TCP1: variants seen among roughly 807,000 people sequenced by gnomAD.
TCP1 encodes the protein T-complex protein 1 subunit alpha.
In TCP1, 6 loss-of-function variants were observed where a neutral mutation model predicts 54.7. The ratio of observed to expected loss-of-function variants is 0.11; its 90% confidence interval spans 0.06 to 0.22. The LOEUF is 0.22. Ranked by LOEUF, TCP1 falls within the 10% of genes least tolerant of loss-of-function variation. TCP1 has a pLI of 1.00. For missense variants in TCP1, 511 were observed against 678.2 expected, an observed-to-expected ratio of 0.75 and a Z score of 2.74; for synonymous variants, 225 against 229.7, an observed-to-expected ratio of 0.98 and a Z score of 0.19.
At chr6:159,786,246 AGTT>A (rs1282136671) in intron 3 of TCP1, among the ~76,000 whole-genome samples, 1 of 152,228 alleles carries the variant, frequency 6.6e-6, no homozygotes, top group Non-Finnish European at 1.5e-5. Context: ...TCTCAAATAC[AGTT>A]GTTTATTGTA....
intron 11 of TCP1, 170 bp downstream of exon 11, chr6:159,779,457 C>A: frequency 9.9e-7 from 1 of 1,013,132 alleles, no homozygotes; most frequent in Non-Finnish European, 1.4e-6. Flanking sequence ...AATAATTAGT[C>A]ATTATCCCTT....
chr6:159,787,901 C>T (rs1421687146), intron 2 of TCP1, 30 bp from the exon 3 acceptor site: 2 of 1,612,346 alleles, frequency 1.2e-6, no homozygotes, highest in Non-Finnish European at 1.7e-6. Flanking sequence ...AAATATGAAC[C>T]ACTTATAGAA....
At chr6:159,780,319 T>C in intron 9 of TCP1, 124 bp downstream of exon 9, 1 of 1,458,482 alleles carries the variant, frequency 6.9e-7, no homozygotes, top group Non-Finnish European at 9.6e-7. Context: ...CCAATGTTAT[T>C]TTATCCCATG....
At chr6:159,785,556 T>G (rs1008403856) in intron 4 of TCP1, 60 bp from the exon 5 acceptor site, 1 of 1,301,092 alleles carries the variant, frequency 7.7e-7, no homozygotes. Context: ...CTCTTTGCAT[T>G]CATCATGCTT....
Position 159,785,997 on chromosome 6 carries a change from C to T in TCP1, c.280G>A (p.Val94Ile). 6.2e-7 allele frequency: 1 copy of T among 1,612,606 alleles called. No homozygotes were observed. The highest frequency in any genetic ancestry group is 8.5e-7 in the Non-Finnish European group (1 of 1,179,002). The change falls in exon 4 of 12, where the codon GTT (valine) becomes ATT (isoleucine). Residue 94 changes from valine (V) to isoleucine (I), a missense_variant and splice_region_variant. Physicochemically the swap from Val to Ile is conservative, Grantham distance 29. Around this residue, in one of 5 missense-constraint regions of TCP1, gnomAD observed 54 missense variants for 111.8 expected, o/e 0.48. Transcript: ENST00000321394. ...TTTAGGAGTTCTGCTGCAATAATAA[C>T]CTGTTGAGAAAACATTCACTGGTCT... Reference protein sequence around the residue: ...KEVGDGTTSVVIIAAELLKNA... With the variant: ...KEVGDGTTSVIIIAAELLKNA...
At chr6:159,787,354 G>A (rs1364756513) in intron 3 of TCP1, among the ~76,000 whole-genome samples, 4 of 152,136 alleles carry the variant, frequency 2.6e-5, no homozygotes, top group Non-Finnish European at 4.4e-5. Context: ...GGTGATGGGG[G>A]AGGAAACAAG....
intron 1 of TCP1, 51 bp downstream of exon 1, chr6:159,789,354 G>A: frequency 6.2e-7 from 1 of 1,605,330 alleles, no homozygotes; most frequent in Non-Finnish European, 8.5e-7. Context: ...GTCGCGGTGG[G>A]ACTCGGCCCT....
intron 8 of TCP1, 55 bp downstream of exon 8, chr6:159,780,880 T>TA (rs1198222451): frequency 1.4e-5 from 21 of 1,517,372 alleles, no homozygotes; most frequent in Non-Finnish European, 1.8e-5. Flanking sequence ...AAAAGACCTT[T>TA]GATAGGATCA....
rs1780634295 is a variant in TCP1, at chr6:159,783,923, A to G, written c.797+18T>C. The G allele has an allele frequency of 6.4e-7, 1 of 1,571,104 alleles. No individual in the cohort carries two copies. The highest frequency in any genetic ancestry group is 8.6e-7 in the Non-Finnish European group (1 of 1,162,716). On this transcript the variant is annotated intron_variant, in intron 7 of 11. Transcript: ENST00000321394. ...AGACACTCACACTTAAAAGGCCAAA[A>G]ATAATCTCTCAACATACCTCTGTCT...
intron 7 of TCP1, among the ~76,000 whole-genome samples, chr6:159,781,524 G>C (rs970375769): frequency 3.3e-5 from 5 of 152,234 alleles, no homozygotes; most frequent in African/African-American, 1.2e-4. Flanking sequence ...TGTAATCCCA[G>C]CACTTTGGGA....
At chr6:159,787,080 A>AAG (rs1312036525) in intron 3 of TCP1, among the ~76,000 whole-genome samples, 2 of 149,876 alleles carry the variant, frequency 1.3e-5, no homozygotes, top group African/African-American at 2.4e-5. Flanking sequence ...CTGTCTCTTA[A>AAG]AAAAAAAAAA....
In TCP1 at chr6:159,780,551, G is replaced by T. The variant is rs1479087855; in HGVS notation, c.989C>A (p.Thr330Asn). ...TTCTTCACCTTCCAAATTGGCCAGG[G>T]TTGACAGAATAGTTGCTAATAAGAG... is the stretch of plus-strand genomic sequence containing the variant. ...AKASGATILS[T>N]LANLEGEETF... Residue 330 changes from threonine (T) to asparagine (N), a missense_variant, in exon 9 of 12, where the codon ACC becomes AAC. By Grantham distance (65) the Thr-to-Asn change is moderately conservative (BLOSUM62 0). Transcript: ENST00000321394. The T allele has an allele frequency of 6.2e-7, 1 of 1,612,906 alleles. No homozygotes were observed. The highest frequency in any genetic ancestry group is 8.5e-7 in the Non-Finnish European group (1 of 1,179,700).
chr6:159,783,858 T>G, intron 7 of TCP1, 83 bp downstream of exon 7: 1 of 1,474,198 alleles, frequency 6.8e-7, no homozygotes, highest in Non-Finnish European at 9.0e-7. Flanking sequence ...TTTCTGGAAG[T>G]AAAATAGTTT....
intron 3 of TCP1, 145 bp from the exon 4 acceptor site, chr6:159,786,142 A>G (rs879871848): frequency 2.9e-5 from 18 of 629,248 alleles, no homozygotes; most frequent in Non-Finnish European, 3.9e-5. Flanking sequence ...CCTGGGCGTG[A>G]AGGGAGAAGA....
At chr6:159,787,933 T>C (rs760193951) in intron 2 of TCP1, 62 bp from the exon 3 acceptor site, 3 of 1,608,758 alleles carry the variant, frequency 1.9e-6, no homozygotes, top group African/African-American at 2.7e-5. Flanking sequence ...CCCATTATAA[T>C]ACACGTTCAC....
chr6:159,787,969 G>A, intron 2 of TCP1, 89 bp downstream of exon 2: 3 of 1,604,456 alleles, frequency 1.9e-6, no homozygotes, highest in East Asian at 2.2e-5. Context: ...CCAGTACGTG[G>A]ATTCTGATAA....
At position 159,785,275 on chromosome 6, in the gene TCP1, C is replaced by T. The variant is rs1453540857; in HGVS notation, c.488+111G>A. The T allele has an allele frequency of 3.6e-6, 3 of 825,518 alleles. No homozygotes were observed. The African/African-American group carries it at 5.1e-5, about 14-fold the overall frequency. The allele number at this position is 825,518 out of a possible 1,614,324, so 51.1% of individuals were successfully genotyped here. A position where few individuals can be genotyped will look rare whatever the true frequency, so the allele number is the denominator to read the frequency against. On this transcript the variant is annotated intron_variant, in intron 5 of 11. Coordinates refer to ENST00000321394, the MANE Select transcript of TCP1 (RefSeq NM_030752.3). ...CTGGCACTCCTGGGTTCAATTAATA[C>T]TCCTACCTCAGCCTCCTTAGTAGCT...
At position 159,780,081 on chromosome 6, in the gene TCP1, C is replaced by T. The variant is rs1020972869; in HGVS notation, c.1104G>A (p.Lys368=). 2 of 1,612,262 alleles carry T rather than the reference C, an allele frequency of 1.2e-6. No homozygotes were observed. The highest frequency in any genetic ancestry group is 3.4e-5 in the Admixed American group (2 of 59,632). ...DDELILIKNT[K]ARTSASIILR... is the part of the protein sequence containing the mutation. ...AGATAATCGATGCAGACGTACGAGC[C>T]TTAGTACTGTTCAAAACAAAAGTAC... The change falls in exon 10 of 12, where the codon AAG becomes AAA. Residue 368 remains lysine, a synonymous_variant. Coordinates refer to ENST00000321394, the MANE Select transcript of TCP1 (RefSeq NM_030752.3).
intron 11 of TCP1, 138 bp downstream of exon 11, chr6:159,779,489 A>G: frequency 8.0e-7 from 1 of 1,247,044 alleles, no homozygotes; most frequent in African/African-American, 1.5e-5. Flanking sequence ...ACTGAACAAC[A>G]AATGCTTGCT....
Sources: allele counts gnomAD v4.1 joint callset (sites outside exome capture counted in the v4.1 genomes callset), GRCh38; gene constraint gnomAD v4.1.1; regional missense constraint gnomAD v4.1.1; transcripts MANE v1.5; gene names NCBI Gene and HGNC (gene_info 2026-07-23, HGNC 2026-07-21).